SPIRE2: variants seen among roughly 807,000 people sequenced by gnomAD.
SPIRE2 encodes the protein spire type actin nucleation factor 2.
A neutral mutation model predicts 80.7 loss-of-function variants in SPIRE2; 76 were observed. The ratio of observed to expected loss-of-function variants is 0.94; its 90% CI spans 0.78 to 1.14. The LOEUF (loss-of-function observed/expected upper bound fraction) is 1.14, where lower values mean the gene tolerates loss of function less well. SPIRE2 is among the 50% of genes most tolerant of loss of function. The pLI is 0.00. For missense variants in SPIRE2, 1,196 were observed against 1,015.3 expected, an observed-to-expected ratio of 1.18 and a Z score of -2.42; for synonymous variants, 535 against 432.6, an observed-to-expected ratio of 1.24 and a Z score of -2.94.
At chr16:89,830,356 G>A (rs538609346) in intron 1 of SPIRE2, among the ~76,000 whole-genome samples, 3 of 151,170 alleles carry the variant, frequency 2.0e-5, no homozygotes, top group African/African-American at 7.3e-5. Context: ...ATTTGATAAC[G>A]ATCTTTGTTT....
chr16:89,834,285 C>A (rs1479649660), intron 1 of SPIRE2, among the ~76,000 whole-genome samples: 1 of 139,854 alleles, frequency 7.2e-6, no homozygotes, highest in Non-Finnish European at 1.6e-5. Context: ...AACCTGCCCG[C>A]GCTCGCGGTT....
At position 89,870,060 on chromosome 16, in the gene SPIRE2, G is replaced by A; in HGVS notation, c.1933G>A (p.Gly645Arg). ...QRRDIFQSLQ[G>R]PQWQSVEEAF... ...TCTCCCACTTCCCAGGTCTCTGCAAGGGCCACAGTGGCAGAGCGTGGAGGA... is the reference window on the plus strand; with the variant it reads ...TCTCCCACTTCCCAGGTCTCTGCAAAGGCCACAGTGGCAGAGCGTGGAGGA... The change falls in exon 15 of 15, where the codon GGG becomes AGG. Residue 645 changes from glycine (G) to arginine (R), a missense_variant. Coordinates refer to ENST00000378247, the MANE Select transcript of SPIRE2 (RefSeq NM_032451.2). The A allele has an allele frequency of 6.2e-7, 1 of 1,612,502 alleles. No homozygotes were observed. The highest frequency in any genetic ancestry group is 1.1e-5 in the South Asian group (1 of 90,792).
At chr16:89,845,632 A>G in intron 2 of SPIRE2, 1 of 701,830 alleles carries the variant, frequency 1.4e-6, no homozygotes, top group South Asian at 1.5e-5. Flanking sequence ...ACAGCTGCAC[A>G]GATGAGGGGC....
chr16:89,856,979 T>C (rs1156744307), intron 7 of SPIRE2, among the ~76,000 whole-genome samples: 1 of 150,358 alleles, frequency 6.7e-6, no homozygotes, highest in Non-Finnish European at 1.5e-5. Flanking sequence ...GGTGGGAGGA[T>C]TGCTTGAACC....
chr16:89,853,100 A>T (rs890183180), intron 3 of SPIRE2, among the ~76,000 whole-genome samples: 1 of 152,110 alleles, frequency 6.6e-6, no homozygotes, highest in Non-Finnish European at 1.5e-5. Flanking sequence ...CAATTAGCAG[A>T]CGGTCCTCCT....
At chr16:89,861,386 C>T (rs1281494162) in intron 10 of SPIRE2, among the ~76,000 whole-genome samples, 8 of 152,288 alleles carry the variant, frequency 5.3e-5, no homozygotes, top group Non-Finnish European at 1.0e-4. Context: ...TTTTATCCAG[C>T]GGCTCAGATG....
At chr16:89,867,167 C>CA (rs1005182885) in intron 12 of SPIRE2, among the ~76,000 whole-genome samples, 2 of 150,860 alleles carry the variant, frequency 1.3e-5, no homozygotes, top group African/African-American at 4.9e-5. Context: ...TTTTTTGAGA[C>CA]AGAGTCTCTC....
Position 89,856,175 on chromosome 16 carries a change from G to T in SPIRE2, c.1041G>T (p.Leu347=), listed in dbSNP as rs201073030. 6.4e-5 allele frequency: 103 copies of T among 1,609,660 alleles called. 1 individual carries two copies. In the East Asian group the frequency reaches 2.2e-3, roughly 35 times the overall value. ...AAAGGTCCCTGCATGAGAAGATCCTGGAGGAGATCAAGCAGGAGCGGAGGC... is the reference window on the plus strand; with the variant it reads ...AAAGGTCCCTGCATGAGAAGATCCTTGAGGAGATCAAGCAGGAGCGGAGGC... ...PKQRSLHEKI[L]EEIKQERRLR... is the part of the protein sequence containing the mutation. The change falls in exon 7 of 15, where the codon CTG becomes CTT. Residue 347 remains leucine, a synonymous_variant. Coordinates refer to ENST00000378247, the MANE Select transcript of SPIRE2 (RefSeq NM_032451.2).
intron 3 of SPIRE2, among the ~76,000 whole-genome samples, chr16:89,853,383 C>T (rs1284156940): frequency 6.6e-6 from 1 of 152,130 alleles, no homozygotes; most frequent in African/African-American, 2.4e-5. Flanking sequence ...GGTAGTAGGA[C>T]CAAGTGAGAG....
intron 1 of SPIRE2, among the ~76,000 whole-genome samples, chr16:89,844,808 C>G (rs941372971): frequency 2.0e-5 from 3 of 152,210 alleles, no homozygotes; most frequent in Admixed American, 6.5e-5. Flanking sequence ...GTTTTGAACT[C>G]CTGGCTGCTA....
intron 8 of SPIRE2, 146 bp downstream of exon 8, chr16:89,858,653 G>A (rs1386371989): frequency 3.6e-5 from 28 of 767,606 alleles, no homozygotes; most frequent in Non-Finnish European, 4.2e-5. Flanking sequence ...ACATCCTGCC[G>A]TAGGAGGAGG....
chr16:89,840,456 A>G lies in SPIRE2; in HGVS notation c.245-4866A>G, dbSNP rs150274116. On this transcript the variant is annotated intron_variant, in intron 1 of 14. Coordinates refer to ENST00000378247, the MANE Select transcript of SPIRE2 (RefSeq NM_032451.2). ...AGTAGAGACGGGGTTTCACCGTGTTAGCCAGGATGGTTTCGATCTCCTGAC... is the reference window on the plus strand; with the variant it reads ...AGTAGAGACGGGGTTTCACCGTGTTGGCCAGGATGGTTTCGATCTCCTGAC... Among the ~76,000 whole-genome samples the G allele has an allele frequency of 3.1e-3, 469 of 150,290 alleles. 1 individual carries two copies. The highest frequency in any genetic ancestry group is 8.8e-3 in the African/African-American group (360 of 40,834).
intron 6 of SPIRE2, 33 bp from the exon 7 acceptor site, chr16:89,856,080 T>C: frequency 6.3e-7 from 1 of 1,598,550 alleles, no homozygotes; most frequent in Non-Finnish European, 8.6e-7. Context: ...CAGGTCCTGC[T>C]TCCCCACCGC....
chr16:89,857,176 A>C (rs1003227480), intron 7 of SPIRE2, among the ~76,000 whole-genome samples: 2 of 128,948 alleles, frequency 1.6e-5, no homozygotes, highest in Non-Finnish European at 3.2e-5. Flanking sequence ...TCACTCTGTC[A>C]CCCCGGCTGT....
chr16:89,854,716 G>C, intron 5 of SPIRE2, 65 bp downstream of exon 5: 2 of 1,559,844 alleles, frequency 1.3e-6, no homozygotes, highest in South Asian at 2.4e-5. Flanking sequence ...GGCGGACGCA[G>C]ATGAGCAGCC....
intron 13 of SPIRE2, among the ~76,000 whole-genome samples, chr16:89,869,030 T>TAAA (rs2041812889): frequency 6.1e-5 from 1 of 16,484 alleles, no homozygotes; most frequent in African/African-American, 8.3e-4. Context: ...GATCTGTGTC[T>TAAA]TAAAAAAAAA....
At chr16:89,840,780 T>C (rs752024724) in intron 1 of SPIRE2, among the ~76,000 whole-genome samples, 29 of 149,032 alleles carry the variant, frequency 1.9e-4, no homozygotes, top group Middle Eastern at 3.5e-3. Context: ...GGACTACAGG[T>C]GCCCGCCACC....
intron 1 of SPIRE2, among the ~76,000 whole-genome samples, chr16:89,843,395 C>G (rs1177043326): frequency 1.3e-5 from 2 of 152,102 alleles, no homozygotes; most frequent in African/African-American, 4.8e-5. Flanking sequence ...ATACGTGACT[C>G]CAGCTTCCAC....
At chr16:89,843,873 G>A (rs181864121) in intron 1 of SPIRE2, among the ~76,000 whole-genome samples, 1 of 143,506 alleles carries the variant, frequency 7.0e-6, no homozygotes, top group East Asian at 2.1e-4. Flanking sequence ...CTATTTTTAT[G>A]TATTTTTTGG....
Sources: allele counts gnomAD v4.1 joint callset (sites outside exome capture counted in the v4.1 genomes callset), GRCh38; gene constraint gnomAD v4.1.1; transcripts MANE v1.5; gene names NCBI Gene and HGNC (gene_info 2026-07-23, HGNC 2026-07-21).